The following NCKAP5 variants were observed in gnomAD, a reference collection of about 807,000 sequenced individuals.
The protein encoded by NCKAP5 is nck-associated protein 5.
Under a neutral mutation model 167.0 loss-of-function variants are expected in NCKAP5, and 92 were observed. That is an observed-to-expected ratio of 0.55 (90% CI 0.47 to 0.66). The LOEUF is 0.66. Ranked by LOEUF, NCKAP5 falls within the 30% of genes least tolerant of loss-of-function variation. NCKAP5 has a pLI of 0.00. For missense variants in NCKAP5, 2,378 were observed against 2,315.0 expected, an observed-to-expected ratio of 1.03 and a Z score of -0.56; for synonymous variants, 891 against 877.4, an observed-to-expected ratio of 1.02 and a Z score of -0.27.
chr2:133,265,756 C>T (rs953941507), intron 4 of NCKAP5, among the ~76,000 whole-genome samples: 1 of 152,128 alleles, frequency 6.6e-6, no homozygotes, highest in Non-Finnish European at 1.5e-5. Context: ...GGGACAGGCG[C>T]GCCCTGCTGG....
At chr2:132,957,625 G>C (rs1218150395) in intron 8 of NCKAP5, among the ~76,000 whole-genome samples, 1 of 152,126 alleles carries the variant, frequency 6.6e-6, no homozygotes, top group Non-Finnish European at 1.5e-5. Flanking sequence ...TCTAGTCATA[G>C]AAACTAGAAT....
chr2:133,162,546 A>G (rs1444238649), intron 5 of NCKAP5, among the ~76,000 whole-genome samples: 1 of 152,236 alleles, frequency 6.6e-6, no homozygotes, highest in Non-Finnish European at 1.5e-5. Flanking sequence ...AAAAATCAGC[A>G]TAATCTACAG....
chr2:133,237,471 C>T (rs950327470), intron 4 of NCKAP5, among the ~76,000 whole-genome samples: 2 of 152,146 alleles, frequency 1.3e-5, no homozygotes, highest in African/African-American at 4.8e-5. Context: ...TTTGAAAGCA[C>T]CCATTTACAT....
At position 133,346,670 on chromosome 2, in the gene NCKAP5, T is replaced by C. The variant is rs112346342; in HGVS notation, c.70-43560A>G. ...CCCACGCAAGGAGCACTGGGTGATA[T>C]GGTCATCGGACTGGGCCATGGCCCT... On this transcript the variant is annotated intron_variant, in intron 3 of 19. Transcript: ENST00000409261. Among the ~76,000 whole-genome samples, 518 of 152,266 alleles carry C rather than the reference T, an allele frequency of 3.4e-3. 8 individuals are homozygous for C. The highest frequency in any genetic ancestry group is 0.012 in the African/African-American group (499 of 41,542).
chr2:133,595,197 C>T, the NCKAP5 span, among the ~76,000 whole-genome samples: 1 of 152,106 alleles, frequency 6.6e-6, no homozygotes, highest in South Asian at 2.1e-4. Flanking sequence ...CAGTGTTATG[C>T]GCATTGATAC....
intron 19 of NCKAP5, among the ~76,000 whole-genome samples, chr2:132,714,379 C>G (rs1280270397): frequency 6.6e-6 from 1 of 152,178 alleles, no homozygotes; most frequent in African/African-American, 2.4e-5. Context: ...ACATAATACT[C>G]AGATTTATTA....
chr2:132,857,234 T>G (rs1233398779), intron 11 of NCKAP5, among the ~76,000 whole-genome samples: 3 of 152,190 alleles, frequency 2.0e-5, no homozygotes, highest in African/African-American at 7.2e-5. Context: ...CTAATTTTTG[T>G]TTTCCTTAAC....
chr2:133,385,660 G>A (rs1156855178), intron 3 of NCKAP5, among the ~76,000 whole-genome samples: 1 of 151,828 alleles, frequency 6.6e-6, no homozygotes, highest in African/African-American at 2.4e-5. Context: ...GAATTCGGCT[G>A]TGAATCCATC....
At chr2:132,842,076 A>G (rs1394860742) in intron 11 of NCKAP5, among the ~76,000 whole-genome samples, 1 of 152,178 alleles carries the variant, frequency 6.6e-6, no homozygotes, top group East Asian at 1.9e-4. Context: ...TTTTAGGATT[A>G]CATAAAGCTT....
At chr2:133,660,972 C>T in the NCKAP5 span, among the ~76,000 whole-genome samples, 5 of 150,994 alleles carry the variant, frequency 3.3e-5, no homozygotes, top group South Asian at 1.0e-3. Flanking sequence ...AAAAAAAAAT[C>T]CTAGTCTAGA....
At chr2:133,283,947 G>T (rs2090017063) in intron 4 of NCKAP5, among the ~76,000 whole-genome samples, 1 of 152,058 alleles carries the variant, frequency 6.6e-6, no homozygotes, top group Non-Finnish European at 1.5e-5. Flanking sequence ...TTGCTTTATA[G>T]ATAAAGAATC....
chr2:132,733,828 C>T (rs1028386276), intron 16 of NCKAP5, among the ~76,000 whole-genome samples: 5 of 152,168 alleles, frequency 3.3e-5, no homozygotes, highest in Non-Finnish European at 5.9e-5. Context: ...GGAATGTGTA[C>T]AGAGTTGGCT....
At chr2:133,193,152 G>A (rs536755881) in intron 5 of NCKAP5, among the ~76,000 whole-genome samples, 187 of 152,154 alleles carry the variant, frequency 1.2e-3, no homozygotes, top group African/African-American at 3.9e-3. Flanking sequence ...AATTCCAAAA[G>A]ATTATATACT....
chr2:132,915,519 C>T (rs1042181352), intron 8 of NCKAP5: 5 of 152,060 alleles, frequency 3.3e-5, no homozygotes, highest in African/African-American at 9.7e-5. Context: ...CACTGCAGAA[C>T]TCTCAGGATA....
At chr2:133,046,336 T>C (rs1401817830) in intron 6 of NCKAP5, among the ~76,000 whole-genome samples, 1 of 151,000 alleles carries the variant, frequency 6.6e-6, no homozygotes, top group Admixed American at 6.6e-5. Flanking sequence ...TTGAAACAAA[T>C]AGCTCAAAAG....
At chr2:133,281,860 G>A (rs1574592780) in intron 4 of NCKAP5, among the ~76,000 whole-genome samples, 1 of 152,190 alleles carries the variant, frequency 6.6e-6, no homozygotes, top group African/African-American at 2.4e-5. Flanking sequence ...ACCATCTTGA[G>A]AGCTGCTGGT....
intron 11 of NCKAP5, among the ~76,000 whole-genome samples, chr2:132,856,160 T>C (rs969292259): frequency 1.3e-5 from 2 of 152,194 alleles, no homozygotes; most frequent in Non-Finnish European, 2.9e-5. Flanking sequence ...TGAGGACTGC[T>C]GAGGCCCTGG....
At chr2:133,070,739 G>A (rs941542423) in intron 6 of NCKAP5, among the ~76,000 whole-genome samples, 2 of 152,064 alleles carry the variant, frequency 1.3e-5, no homozygotes, top group Non-Finnish European at 2.9e-5. Context: ...GACTATACAG[G>A]TGTGTGAGTG....
chr2:132,979,109 G>C (rs945858837), intron 7 of NCKAP5, among the ~76,000 whole-genome samples: 1 of 152,118 alleles, frequency 6.6e-6, no homozygotes, highest in African/African-American at 2.4e-5. Flanking sequence ...TCCAGGGCCT[G>C]TCATCATGTC....
Sources: allele counts gnomAD v4.1 joint callset (sites outside exome capture counted in the v4.1 genomes callset), GRCh38; gene constraint gnomAD v4.1.1; transcripts MANE v1.5; gene names NCBI Gene and HGNC (gene_info 2026-07-23, HGNC 2026-07-21).